The following GOLM2 variants were observed in gnomAD, a reference collection of about 807,000 sequenced individuals.
GOLM2 encodes golgi membrane protein 2.
GOLM2 carries 26 observed loss-of-function variants against 55.9 expected under a neutral mutation model. The observed-to-expected ratio is 0.47, with a 90% CI of 0.34 to 0.65. The LOEUF (loss-of-function observed/expected upper bound fraction) is 0.65, where lower values mean the gene tolerates loss of function less well. GOLM2 is among the 30% of genes least tolerant of loss of function. The pLI is 0.01. For missense variants in GOLM2, 486 were observed against 531.8 expected, an observed-to-expected ratio of 0.91 and a Z score of 0.85; for synonymous variants, 165 against 194.6, an observed-to-expected ratio of 0.85 and a Z score of 1.27.
chr15:44,369,479 G>A (rs116077478), intron 6 of GOLM2, among the ~76,000 whole-genome samples: 11,037 of 151,444 alleles, frequency 0.073, 665 homozygotes, highest in East Asian at 0.19. Flanking sequence ...TGTAAGCTTC[G>A]TAGGACAATA....
chr15:44,354,013 T>C (rs917241003), intron 6 of GOLM2, among the ~76,000 whole-genome samples: 2 of 152,190 alleles, frequency 1.3e-5, no homozygotes, highest in Admixed American at 6.5e-5. Flanking sequence ...GTTGTATGCC[T>C]GTATCAGAAT....
chr15:44,379,638 TAGAA>T, intron 6 of GOLM2, 48 bp from the exon 7 acceptor site: 1 of 710,022 alleles, frequency 1.4e-6, no homozygotes, highest in South Asian at 1.9e-5. Context: ...TTTTTTTTTT[TAGAA>T]ATCATAGTAT....
At chr15:44,383,649 A>G (rs2079419546) in intron 8 of GOLM2, among the ~76,000 whole-genome samples, 1 of 140,680 alleles carries the variant, frequency 7.1e-6, no homozygotes, top group Non-Finnish European at 1.6e-5. Flanking sequence ...ATTTATTTGT[A>G]TCAACTCTTT....
intron 9 of GOLM2, among the ~76,000 whole-genome samples, chr15:44,408,834 G>C (rs1027338798): frequency 2.1e-4 from 32 of 152,204 alleles, no homozygotes; most frequent in Admixed American, 1.4e-3. Flanking sequence ...AGTGGCGGCG[G>C]GAGCCTGTAG....
intron 8 of GOLM2, among the ~76,000 whole-genome samples, chr15:44,383,003 T>C (rs750269243): frequency 1.3e-5 from 2 of 151,392 alleles, no homozygotes; most frequent in East Asian, 1.9e-4. Flanking sequence ...TTAATGTATA[T>C]GGAGAGTTGA....
chr15:44,381,108 G>A (rs983938555), intron 8 of GOLM2, 132 bp downstream of exon 8: 3 of 523,850 alleles, frequency 5.7e-6, no homozygotes, highest in African/African-American at 2.0e-5. Flanking sequence ...GTATGAAAGT[G>A]TCAAAATTTA....
At chr15:44,390,959 A>G (rs1197481163) in intron 8 of GOLM2, among the ~76,000 whole-genome samples, 1 of 152,174 alleles carries the variant, frequency 6.6e-6, no homozygotes, top group African/African-American at 2.4e-5. Context: ...ATATCACCAC[A>G]GTAGGGATTA....
intron 6 of GOLM2, among the ~76,000 whole-genome samples, chr15:44,365,833 G>A (rs976593363): frequency 3.3e-5 from 5 of 152,056 alleles, no homozygotes; most frequent in African/African-American, 9.7e-5. Context: ...TGTAAACTAG[G>A]GACCTTGGGT....
At chr15:44,409,404 T>G (rs1477734042) in intron 9 of GOLM2, 1 of 137,830 alleles carries the variant, frequency 7.3e-6, no homozygotes, top group Admixed American at 7.7e-5. Context: ...CTGGCCAACA[T>G]GGGGAAAACC....
chr15:44,390,565 A>AT (rs201684087), intron 8 of GOLM2: 1,924 of 142,582 alleles, frequency 0.013, 14 homozygotes, highest in African/African-American at 0.021. Flanking sequence ...TACATATAGA[A>AT]TTTTTTTTTT....
intron 7 of GOLM2, 72 bp from the exon 8 acceptor site, chr15:44,380,734 G>C: frequency 1.8e-6 from 2 of 1,098,214 alleles, no homozygotes; most frequent in Non-Finnish European, 2.4e-6. Context: ...TTCTAAAGCA[G>C]ATCTTGTGAA....
intron 1 of GOLM2, among the ~76,000 whole-genome samples, chr15:44,312,938 G>A (rs1223456074): frequency 6.6e-6 from 1 of 152,156 alleles, no homozygotes; most frequent in African/African-American, 2.4e-5. Flanking sequence ...AATTAGCTGG[G>A]CGTGGTGGCG....
At chr15:44,351,299 A>G (rs1484052795) in intron 6 of GOLM2, among the ~76,000 whole-genome samples, 1 of 152,134 alleles carries the variant, frequency 6.6e-6, no homozygotes, top group Admixed American at 6.5e-5. Flanking sequence ...AAAGGTGGCC[A>G]GGTGTGGTGG....
chr15:44,370,204 C>T (rs981433120), intron 6 of GOLM2, among the ~76,000 whole-genome samples: 1 of 152,204 alleles, frequency 6.6e-6, no homozygotes, highest in African/African-American at 2.4e-5. Flanking sequence ...CCCTCACAGA[C>T]ATATCCAGGA....
chr15:44,368,878 T>C (rs921641610), intron 6 of GOLM2, among the ~76,000 whole-genome samples: 1 of 150,172 alleles, frequency 6.7e-6, no homozygotes, highest in Admixed American at 6.7e-5. Context: ...TTTGTATGTC[T>C]AGTAATTTTA....
At chr15:44,297,603 C>G (rs1391545652) in intron 1 of GOLM2, among the ~76,000 whole-genome samples, 1 of 151,434 alleles carries the variant, frequency 6.6e-6, no homozygotes, top group African/African-American at 2.4e-5. Flanking sequence ...GCTCTGTCGC[C>G]CAGGCTGGAG....
intron 6 of GOLM2, among the ~76,000 whole-genome samples, chr15:44,357,410 A>G (rs1212356130): frequency 1.3e-5 from 2 of 152,236 alleles, no homozygotes; most frequent in Admixed American, 1.3e-4. Flanking sequence ...TCTCAACTTG[A>G]TACAGAATAT....
At chr15:44,394,405 G>A (rs1420501324) in intron 8 of GOLM2, among the ~76,000 whole-genome samples, 1 of 152,152 alleles carries the variant, frequency 6.6e-6, no homozygotes, top group Non-Finnish European at 1.5e-5. Context: ...GGTTTGCCTT[G>A]GAAACGGGGA....
chr15:44,382,578 C>T (rs535347669), intron 8 of GOLM2, among the ~76,000 whole-genome samples: 1 of 151,938 alleles, frequency 6.6e-6, no homozygotes, highest in African/African-American at 2.4e-5. Context: ...CCGCCCGCCT[C>T]GGCCTCCCAA....
Sources: allele counts gnomAD v4.1 joint callset (sites outside exome capture counted in the v4.1 genomes callset), GRCh38; gene constraint gnomAD v4.1.1; transcripts MANE v1.5; gene names NCBI Gene and HGNC (gene_info 2026-07-23, HGNC 2026-07-21).